Variants in GRIP1 observed in about 807,000 individuals in gnomAD.
The protein encoded by GRIP1 is glutamate receptor interacting protein 1.
A neutral mutation model predicts 129.9 loss-of-function variants in GRIP1; 45 were observed. The observed-to-expected ratio is 0.35, with a 90% CI of 0.27 to 0.44. The LOEUF (loss-of-function observed/expected upper bound fraction) is 0.44. GRIP1 is among the 20% of genes least tolerant of loss of function. GRIP1 has a pLI of 1.00. For synonymous variants in GRIP1, 530 were observed against 520.8 expected, an observed-to-expected ratio of 1.02 and a Z score of -0.24; for missense variants, 1,196 against 1,396.8, an observed-to-expected ratio of 0.86 and a Z score of 2.29.
At chr12:67,027,079 C>A (rs1443042647) in intron 1 of GRIP1, among the ~76,000 whole-genome samples, 1 of 152,208 alleles carries the variant, frequency 6.6e-6, no homozygotes, top group African/African-American at 2.4e-5. Context: ...CACTCCACCA[C>A]ACAAGGCAAC....
chr12:66,598,840 G>T (rs1460787357), intron 1 of GRIP1, among the ~76,000 whole-genome samples: 1 of 152,092 alleles, frequency 6.6e-6, no homozygotes, highest in African/African-American at 2.4e-5. Context: ...TTTTCTATTT[G>T]TCAAGATTCC....
chr12:66,604,591 A>G (rs1198352078), intron 1 of GRIP1, among the ~76,000 whole-genome samples: 1 of 152,226 alleles, frequency 6.6e-6, no homozygotes, highest in East Asian at 1.9e-4. Flanking sequence ...TGAGAGGGCT[A>G]TGTGCTTTAA....
intron 23 of GRIP1, among the ~76,000 whole-genome samples, chr12:66,365,895 T>G (rs1044078082): frequency 2.0e-5 from 3 of 152,174 alleles, no homozygotes; most frequent in Non-Finnish European, 4.4e-5. Flanking sequence ...TCTTGTGAAG[T>G]CTCCCTCTTC....
At position 67,024,544 on chromosome 12, in the gene GRIP1, T is replaced by C. The variant is rs181620746; in HGVS notation, c.58+44506A>G. On this transcript the variant is annotated intron_variant, in intron 1 of 1. Coordinates refer to the GRIP1 transcript ENST00000643019. Reference sequence around the variant, plus strand: ...CCATTTGGCCGTTTACTGGACCTATTTGTAAGTCAAGGCCTGCCTATGTAA... The same window carrying C: ...CCATTTGGCCGTTTACTGGACCTATCTGTAAGTCAAGGCCTGCCTATGTAA... Among the ~76,000 whole-genome samples the C allele has an allele frequency of 2.4e-3, 367 of 152,326 alleles. 2 individuals are homozygous for C. Among genetic ancestry groups the C allele is most frequent in the Non-Finnish European group, 4.5e-3 (306 of 68,036 alleles).
intron 7 of GRIP1, among the ~76,000 whole-genome samples, chr12:66,503,741 G>A (rs916494571): frequency 2.6e-5 from 4 of 152,114 alleles, no homozygotes; most frequent in African/African-American, 4.8e-5. Flanking sequence ...ATCAGAGTGT[G>A]GTGAACAGGA....
intron 1 of GRIP1, among the ~76,000 whole-genome samples, chr12:66,727,751 T>G (rs570774803): frequency 6.6e-6 from 1 of 152,142 alleles, no homozygotes. Flanking sequence ...AGAAATGCCA[T>G]GGAAATTAAG....
chr12:66,401,601 T>TAC (rs2056995580), intron 16 of GRIP1, among the ~76,000 whole-genome samples: 1 of 123,810 alleles, frequency 8.1e-6, no homozygotes, highest in African/African-American at 3.5e-5. Context: ...TATGTGTGTA[T>TAC]ATATATATAC....
At chr12:66,386,507 G>A (rs753030810) in intron 19 of GRIP1, among the ~76,000 whole-genome samples, 3 of 152,008 alleles carry the variant, frequency 2.0e-5, no homozygotes, top group Admixed American at 6.6e-5. Flanking sequence ...GGTGGTGGGC[G>A]CCTGTAGTCC....
intron 1 of GRIP1, among the ~76,000 whole-genome samples, chr12:66,977,671 T>C (rs2042173845): frequency 1.3e-5 from 2 of 152,148 alleles, no homozygotes; most frequent in African/African-American, 4.8e-5. Flanking sequence ...TACATACTTT[T>C]TTGTATCTGG....
chr12:66,985,154 C>T (rs551680366), intron 1 of GRIP1, among the ~76,000 whole-genome samples: 2 of 152,276 alleles, frequency 1.3e-5, no homozygotes, highest in East Asian at 3.9e-4. Flanking sequence ...AGAAGAAGTA[C>T]ATGGCATTTT....
chr12:66,583,600 C>T (rs2063493770), intron 2 of GRIP1, among the ~76,000 whole-genome samples: 1 of 138,440 alleles, frequency 7.2e-6, no homozygotes, highest in Non-Finnish European at 1.6e-5. Context: ...GGGCGAAGGA[C>T]GTGAACAGAC....
chr12:66,521,025 A>G (rs566977570), intron 5 of GRIP1, among the ~76,000 whole-genome samples: 1 of 152,328 alleles, frequency 6.6e-6, no homozygotes, highest in East Asian at 1.9e-4. Flanking sequence ...GGTTAGGGTA[A>G]ATGATCTTGG....
intron 5 of GRIP1, among the ~76,000 whole-genome samples, chr12:66,526,566 A>C (rs1392725680): frequency 1.2e-3 from 179 of 151,092 alleles, no homozygotes; most frequent in East Asian, 6.2e-3. Flanking sequence ...GACCTAAAAC[A>C]ATAAAAACCC....
intron 23 of GRIP1, among the ~76,000 whole-genome samples, chr12:66,355,677 G>C (rs2054455428): frequency 6.6e-6 from 1 of 152,156 alleles, no homozygotes; most frequent in African/African-American, 2.4e-5. Context: ...ACCAGGGGGA[G>C]AGGGGAAGAC....
chr12:66,412,941 G>C (rs541781281), intron 15 of GRIP1, among the ~76,000 whole-genome samples: 1 of 152,226 alleles, frequency 6.6e-6, no homozygotes, highest in African/African-American at 2.4e-5. Flanking sequence ...TAATACAGGA[G>C]CACCCAGATT....
intron 1 of GRIP1, among the ~76,000 whole-genome samples, chr12:66,971,727 T>C (rs1479247414): frequency 1.3e-5 from 2 of 152,302 alleles, no homozygotes; most frequent in East Asian, 1.9e-4. Context: ...TCTGAGTGCA[T>C]TGTAACAAGG....
At chr12:66,550,288 T>C (rs910431745) in intron 2 of GRIP1, among the ~76,000 whole-genome samples, 1 of 152,196 alleles carries the variant, frequency 6.6e-6, no homozygotes, top group African/African-American at 2.4e-5. Context: ...ACAATTCTTA[T>C]AAGGAACTTA....
intron 4 of GRIP1, among the ~76,000 whole-genome samples, chr12:66,530,430 G>A (rs1478568330): frequency 6.6e-6 from 1 of 152,140 alleles, no homozygotes; most frequent in African/African-American, 2.4e-5. Context: ...CTAAGACACA[G>A]CAACCCAGAT....
chr12:67,036,436 T>TC lies in GRIP1; in HGVS notation c.58+32613dup, dbSNP rs544377548. Among the ~76,000 whole-genome samples, 140 of 151,842 alleles carry TC rather than the reference T, an allele frequency of 9.2e-4. 1 individual carries two copies. The highest frequency in any genetic ancestry group is 1.7e-3 in the Non-Finnish European group (117 of 67,946). On this transcript the variant is annotated intron_variant, in intron 1 of 1. Coordinates refer to the GRIP1 transcript ENST00000643019. ...TCTGCCTCCCAAGTTCAAGAGATTCTCCTACCTCAGCCTCCCAAGTAGCTG... is the reference window on the plus strand; with the variant it reads ...TCTGCCTCCCAAGTTCAAGAGATTCTCCCTACCTCAGCCTCCCAAGTAGCTG...
Sources: gnomAD v4.1 joint callset for allele counts (sites outside exome capture counted in the v4.1 genomes callset) on GRCh38, gnomAD v4.1.1 for gene constraint, MANE v1.5 for transcripts, NCBI Gene and HGNC (gene_info 2026-07-23, HGNC 2026-07-21) for gene names.